The following KIAA1217 variants were observed in gnomAD, a reference collection of about 807,000 sequenced individuals.
The protein encoded by KIAA1217 is sickle tail protein homolog.
A neutral mutation model predicts 163.9 loss-of-function variants in KIAA1217; 88 were observed. The ratio of observed to expected loss-of-function variants is 0.54; its 90% confidence interval spans 0.45 to 0.64. KIAA1217 has a LOEUF of 0.64. Among genes scored for constraint, KIAA1217 ranks in the 30% least tolerant of loss-of-function variants. The probability of loss-of-function intolerance (pLI) is 0.00; values close to 1 mark genes in which losing one functional copy is unlikely to be tolerated. For missense variants in KIAA1217, 2,372 were observed against 2,475.0 expected (o/e 0.96, Z 0.88); for synonymous variants, 903 against 923.1 (o/e 0.98, Z 0.39).
chr10:23,782,076 A>C (rs1478093271), intron 1 of KIAA1217, among the ~76,000 whole-genome samples: 1 of 152,062 alleles, frequency 6.6e-6, no homozygotes, highest in Non-Finnish European at 1.5e-5. Flanking sequence ...TTAAAAAAAA[A>C]ATTTTTTTTT....
intron 14 of KIAA1217, among the ~76,000 whole-genome samples, chr10:24,530,742 T>TA (rs2072993354): frequency 1.3e-5 from 2 of 151,760 alleles, no homozygotes; most frequent in Non-Finnish European, 2.9e-5. Context: ...TTACAAAAAT[T>TA]AAAAAATCCG....
At chr10:23,703,901 A>G (rs1161025526) in intron 1 of KIAA1217, among the ~76,000 whole-genome samples, 2 of 151,600 alleles carry the variant, frequency 1.3e-5, no homozygotes, top group Non-Finnish European at 2.9e-5. Context: ...TTGAAAATGT[A>G]AAAACTGCAT....
chr10:24,099,353 G>A (rs1020756158), intron 2 of KIAA1217, among the ~76,000 whole-genome samples: 2 of 150,638 alleles, frequency 1.3e-5, no homozygotes, highest in African/African-American at 4.9e-5. Flanking sequence ...CCCCACGGCA[G>A]GTCCCAGTGA....
chr10:23,942,848 C>T (rs1159717055), intron 1 of KIAA1217, among the ~76,000 whole-genome samples: 2 of 151,804 alleles, frequency 1.3e-5, no homozygotes, highest in Non-Finnish European at 2.9e-5. Flanking sequence ...GCGCTCATGC[C>T]TGTAGTGCCA....
At chr10:24,097,826 C>T (rs1361108275) in intron 2 of KIAA1217, among the ~76,000 whole-genome samples, 3 of 152,134 alleles carry the variant, frequency 2.0e-5, no homozygotes, top group African/African-American at 4.8e-5. Flanking sequence ...ATAATTTTCT[C>T]GGCAGGTGGT....
chr10:24,272,854 T>C (rs2076904543), intron 2 of KIAA1217, among the ~76,000 whole-genome samples: 1 of 152,176 alleles, frequency 6.6e-6, no homozygotes, highest in African/African-American at 2.4e-5. Context: ...TAAATGCATG[T>C]TGGAATAAAG....
At chr10:23,935,195 G>A (rs995088436) in intron 1 of KIAA1217, among the ~76,000 whole-genome samples, 3 of 152,186 alleles carry the variant, frequency 2.0e-5, no homozygotes, top group Admixed American at 6.5e-5. Flanking sequence ...GGCACCTTCC[G>A]TGTGTGGAAT....
intron 5 of KIAA1217, among the ~76,000 whole-genome samples, chr10:24,468,034 C>T (rs765095690): frequency 3.3e-5 from 5 of 152,138 alleles, no homozygotes; most frequent in Non-Finnish European, 4.4e-5. Flanking sequence ...AGTAAGAATA[C>T]CCGCAGCAAA....
chr10:23,875,671 C>T (rs1206659991), intron 1 of KIAA1217, among the ~76,000 whole-genome samples: 1 of 152,006 alleles, frequency 6.6e-6, no homozygotes, highest in Non-Finnish European at 1.5e-5. Context: ...CAGCACTATT[C>T]ACAATAGCAA....
rs781578662 is a variant in KIAA1217 at position 24,520,140 on chromosome 10, T to C, written c.2195T>C (p.Val732Ala). ...VKKLCELEDF[V>A]EDLKKDSTAA... is the part of the protein sequence containing the mutation. ...TCCCGCAGCGAGTTGGAAGACTTTG[T>C]TGAAGACTTGAAGAAGGACTCCACG... The change falls in exon 11 of 21, where the codon GTT (valine) becomes GCT (alanine). Residue 732 changes from valine to alanine, a missense_variant. Physicochemically the swap from Val to Ala is moderately conservative, Grantham distance 64. Around this residue, in one of 3 missense-constraint regions of KIAA1217, gnomAD observed 1,431 missense variants for 1,470.3 expected, o/e 0.97. Transcript: ENST00000376454. The C allele has an allele frequency of 1.4e-5, 23 of 1,614,064 alleles. No homozygotes were observed. The highest frequency in any genetic ancestry group is 1.7e-5 in the Non-Finnish European group (20 of 1,179,962).
intron 1 of KIAA1217, among the ~76,000 whole-genome samples, chr10:23,698,846 A>G (rs1272773211): frequency 1.3e-5 from 2 of 152,032 alleles, no homozygotes; most frequent in Non-Finnish European, 2.9e-5. Context: ...GTACAGTGGC[A>G]TGATCTCTGC....
At chr10:24,440,919 C>T (rs560090541) in intron 5 of KIAA1217, among the ~76,000 whole-genome samples, 1 of 152,334 alleles carries the variant, frequency 6.6e-6, no homozygotes, top group African/African-American at 2.4e-5. Context: ...GCATGGAATT[C>T]AGCTGCCCTC....
chr10:24,418,151 CTCA>C (rs2058424565), intron 3 of KIAA1217, among the ~76,000 whole-genome samples: 1 of 151,578 alleles, frequency 6.6e-6, no homozygotes, highest in Admixed American at 6.6e-5. Flanking sequence ...TAGAGATCAT[CTCA>C]TCATATTATT....
At chr10:24,237,230 A>G (rs1179713959) in intron 2 of KIAA1217, among the ~76,000 whole-genome samples, 1 of 152,216 alleles carries the variant, frequency 6.6e-6, no homozygotes, top group Admixed American at 6.5e-5. Context: ...AACTCTTGGC[A>G]TTTCTGCCCA....
intron 3 of KIAA1217, among the ~76,000 whole-genome samples, chr10:24,383,817 T>TC (rs980951492): frequency 3.2e-4 from 48 of 152,086 alleles, no homozygotes; most frequent in African/African-American, 1.1e-3. Context: ...TTGGGGAATG[T>TC]CCCCCCAGCC....
chr10:23,746,147 A>G (rs1029545292), intron 1 of KIAA1217, among the ~76,000 whole-genome samples: 2 of 152,210 alleles, frequency 1.3e-5, no homozygotes, highest in African/African-American at 4.8e-5. Context: ...GCTTGGTGCC[A>G]TCCAAGCAGT....
rs150814613 is a variant in KIAA1217 at position 24,176,697 on chromosome 10, A to G, written c.-170-42929A>G. On this transcript the variant is annotated intron_variant, in intron 2 of 18. Transcript: ENST00000376462. ...GGTCCTACACCAGAGCCGCGGGCAGAGCTGCCTGCCAGTACTGTGCCGTGC... is the reference window on the plus strand; with the variant it reads ...GGTCCTACACCAGAGCCGCGGGCAGGGCTGCCTGCCAGTACTGTGCCGTGC... 1.0e-3 allele frequency among the ~76,000 whole-genome samples: 157 copies of G among 152,370 alleles called. 2 individuals carry two copies. In the East Asian group the frequency reaches 0.027, roughly 26 times the overall value.
chr10:24,406,041 C>T (rs2057173863), intron 3 of KIAA1217, among the ~76,000 whole-genome samples: 1 of 152,180 alleles, frequency 6.6e-6, no homozygotes, highest in Non-Finnish European at 1.5e-5. Context: ...AAAGTGTGGA[C>T]AAAACTGATT....
intron 2 of KIAA1217, among the ~76,000 whole-genome samples, chr10:24,306,949 C>A (rs536011577): frequency 6.6e-6 from 1 of 152,172 alleles, no homozygotes; most frequent in African/African-American, 2.4e-5. Flanking sequence ...CAAGAAATGA[C>A]GGCTACCTGC....
Sources: allele counts gnomAD v4.1 joint callset (sites outside exome capture counted in the v4.1 genomes callset), GRCh38; gene constraint gnomAD v4.1.1; regional missense constraint gnomAD v4.1.1; transcripts MANE v1.5; gene names NCBI Gene and HGNC (gene_info 2026-07-23, HGNC 2026-07-21).